Variants in PDGFA observed in about 807,000 individuals in gnomAD.
PDGFA encodes the protein platelet-derived growth factor subunit A.
Under a neutral mutation model 25.6 loss-of-function variants are expected in PDGFA, and 9 were observed. The ratio of observed to expected loss-of-function variants is 0.35; its 90% CI spans 0.21 to 0.61. The LOEUF (loss-of-function observed/expected upper bound fraction) is 0.61, where lower values mean the gene tolerates loss of function less well. Among genes scored for constraint, PDGFA ranks in the 20% least tolerant of loss-of-function variants. The pLI, the probability that PDGFA is intolerant of heterozygous loss-of-function variation, is 0.75. For missense variants in PDGFA, 242 were observed against 272.8 expected (o/e 0.89, Z 0.79); for synonymous variants, 133 against 111.8 (o/e 1.19, Z -1.20).
At position 517,351 on chromosome 7, in the gene PDGFA, G is replaced by T; in HGVS notation, c.160+43C>A. 1 of 1,026,432 alleles carries T rather than the reference G, an allele frequency of 9.7e-7. No individual in the cohort carries two copies. The highest frequency in any genetic ancestry group is 1.3e-6 in the Non-Finnish European group (1 of 766,538). The allele number at this position is 1,026,432 out of a possible 1,614,324, so 63.6% of individuals were successfully genotyped here. ...CCAGCTCGGGGCGCACAGGCCGCCC[G>T]CCCGCGCCCTCCCCGCGCGCGGAGG... On this transcript the variant is annotated intron_variant, in intron 2 of 5. Coordinates refer to ENST00000402802, the Ensembl canonical transcript of PDGFA. The surrounding 1 kb of genome is among the most constrained non-coding windows in gnomAD (Gnocchi z 7.4).
At chr7:505,366 G>A (rs755960862) in intron 4 of PDGFA, among the ~76,000 whole-genome samples, 1 of 152,036 alleles carries the variant, frequency 6.6e-6, no homozygotes, top group Non-Finnish European at 1.5e-5. Flanking sequence ...GTCGTAAGCC[G>A]CCCCACCTCA....
Position 512,822 on chromosome 7 carries a change from C to T in PDGFA, c.161-367G>A, listed in dbSNP as rs1409370812. On this transcript the variant is annotated intron_variant, in intron 2 of 5. Transcript: ENST00000402802. ...GAGGGCTGCCCCGGGGCAGGAGGGG[C>T]CTGAGGCCGCCCAGCTCCGTGCACC... 1.0e-5 allele frequency: 4 copies of T among 397,580 alleles called. No homozygotes were observed. The Admixed American group carries it at 1.1e-4, about 11-fold the overall frequency. 24.6% of individuals were successfully genotyped at this position (397,580 alleles called of 1,614,324 possible).
intron 1 of PDGFA, 69 bp downstream of exon 1, chr7:518,870 C>A (rs962030544): frequency 1.9e-6 from 2 of 1,069,456 alleles, no homozygotes; most frequent in Non-Finnish European, 2.6e-6. Flanking sequence ...GAGCCCGTGG[C>A]GCCCCAGCCG....
rs774665054 is a variant in PDGFA, at chr7:501,162, G to A, written c.534C>T (p.Ala178=). Reference sequence around the variant, plus strand: ...CCGGATTCAGGCTTGTGGTCGCGCAGGCGCACTCCAAATGCTCCTCTAACC... The same window carrying A: ...CCGGATTCAGGCTTGTGGTCGCGCAAGCGCACTCCAAATGCTCCTCTAACC... The change falls in exon 5 of 6, where the codon GCC becomes GCT. Residue 178 remains alanine, a synonymous_variant. Transcript: ENST00000402802. 10 of 1,614,110 alleles carry A rather than the reference G, an allele frequency of 6.2e-6. No homozygotes were observed. In the South Asian group the frequency reaches 1.1e-4, roughly 18 times the overall value.
chr7:518,184 C>G (rs1783194207), intron 1 of PDGFA, among the ~76,000 whole-genome samples: 1 of 152,214 alleles, frequency 6.6e-6, no homozygotes, highest in Non-Finnish European at 1.5e-5. Context: ...TCTCCGTGCC[C>G]TGCGGAGACC....
chr7:511,037 C>T (rs758471047), intron 3 of PDGFA, 41 bp from the exon 4 acceptor site: 74 of 1,530,218 alleles, frequency 4.8e-5, no homozygotes, highest in Non-Finnish European at 5.7e-5. Flanking sequence ...CCGGCCTCTG[C>T]GACCACGGCC....
upstream of PDGFA, chr7:520,529 T>G (rs1214228137): frequency 1.3e-5 from 2 of 152,318 alleles, no homozygotes; most frequent in African/African-American, 4.8e-5. Flanking sequence ...GTCCCCACCC[T>G]GGGACCCCGC....
At position 500,758 on chromosome 7, in the gene PDGFA, A is replaced by G; in HGVS notation, c.580+358T>C. On this transcript the variant is annotated intron_variant, in intron 5 of 5. Transcript: ENST00000402802. This position sits in a 1 kb window ranked among gnomAD's most constrained non-coding sequence, Gnocchi z 5.0. ...CCAGCCAGGGCAACTGCAGTCCTCG[A>G]ACCTGCTCCTCCCGCCCACCCTGGC... 2 of 1,441,318 alleles carry G rather than the reference A, an allele frequency of 1.4e-6. No individual in the cohort carries two copies. Among genetic ancestry groups the G allele is most frequent in the Non-Finnish European group, 1.8e-6 (2 of 1,100,646 alleles). The allele number at this position is 1,441,318 out of a possible 1,614,324, so 89.3% of individuals were successfully genotyped here. A position where few individuals can be genotyped will look rare whatever the true frequency, so the allele number is the denominator to read the frequency against.
At chr7:503,955 C>G (rs1200193756) in intron 4 of PDGFA, among the ~76,000 whole-genome samples, 1 of 152,162 alleles carries the variant, frequency 6.6e-6, no homozygotes, top group Non-Finnish European at 1.5e-5. Flanking sequence ...CTCAGATCAG[C>G]CTCCACACTC....
At chr7:520,099 C>T (rs1303982359), upstream of PDGFA, 2 of 395,430 alleles carry the variant, frequency 5.1e-6, no homozygotes, top group South Asian at 1.7e-5. Context: ...CCGCGCCCCT[C>T]CCTCGAGCTT....
At chr7:501,018 C>A (rs747195155) in intron 5 of PDGFA, 98 bp downstream of exon 5, 1 of 1,609,002 alleles carries the variant, frequency 6.2e-7, no homozygotes, top group Non-Finnish European at 8.5e-7. Context: ...ATGCTCACAG[C>A]AGTAAGCGTT....
At chr7:497,938 G>GA (rs1562481475) in exon 6 of PDGFA, 2 of 12,768 alleles carry the variant, frequency 1.6e-4, no homozygotes, top group African/African-American at 2.1e-4. Flanking sequence ...ACTTTATGGT[G>GA]TAAAAAAAAA....
chr7:501,263 C>T (rs761035473), intron 4 of PDGFA, 21 bp from the exon 5 acceptor site: 26 of 1,613,396 alleles, frequency 1.6e-5, no homozygotes, highest in African/African-American at 5.3e-5. Flanking sequence ...GAACAGAGCC[C>T]GGCCATGAAT....
rs777482095 is a variant in PDGFA, at chr7:501,139, G to A, written c.557C>T (p.Pro186Leu). ...ACCCGTGTCCTCTTCCCGATAATCC[G>A]GATTCAGGCTTGTGGTCGCGCAGGC... The change falls in exon 5 of 6, where the codon CCG becomes CTG. Residue 186 changes from proline (P) to leucine (L), a missense_variant. Coordinates refer to ENST00000402802, the Ensembl canonical transcript of PDGFA. The A allele has an allele frequency of 3.3e-5, 54 of 1,614,020 alleles. No homozygotes were observed. Among genetic ancestry groups the A allele is most frequent in the Non-Finnish European group, 4.4e-5 (52 of 1,180,036 alleles).
At position 500,267 on chromosome 7, in the gene PDGFA, C is replaced by T. The variant is rs1183362221; in HGVS notation, c.580+849G>A. ...GCCAGGGCGTTCTGCGAGGCAGGAG[C>T]GGACGGGGAGCAAGGAGACCCAAGC... On this transcript the variant is annotated intron_variant, in intron 5 of 5. Transcript: ENST00000402802. The surrounding 1 kb of genome is among the most constrained non-coding windows in gnomAD (Gnocchi z 5.0). Among the ~76,000 whole-genome samples, 2 of 152,204 alleles carry T rather than the reference C, an allele frequency of 1.3e-5. No individual in the cohort carries two copies. Among genetic ancestry groups the T allele is most frequent in the South Asian group, 2.1e-4 (1 of 4,834 alleles).
chr7:514,518 G>A (rs1783000429), intron 2 of PDGFA, among the ~76,000 whole-genome samples: 1 of 152,164 alleles, frequency 6.6e-6, no homozygotes, highest in African/African-American at 2.4e-5. Flanking sequence ...GAGCAGCCCA[G>A]GCCCAGGTGG....
At chr7:501,197 C>T (rs1782322366) in exon 5 of PDGFA, 1 of 1,614,110 alleles carries the variant, frequency 6.2e-7, no homozygotes. Context: ...CTCACCTGGA[C>T]TTCTTTTAAT....
upstream of PDGFA, chr7:520,061 G>A: frequency 2.5e-6 from 1 of 398,242 alleles, no homozygotes; most frequent in South Asian, 1.7e-5. Flanking sequence ...ATCCATCAAA[G>A]CCCCGCGCCC....
Position 514,909 on chromosome 7 carries a change from G to A in PDGFA, c.161-2454C>T, listed in dbSNP as rs149510639. On this transcript the variant is annotated intron_variant, in intron 2 of 5. Coordinates refer to ENST00000402802, the Ensembl canonical transcript of PDGFA. ...CTCCGAATGAAACGCTTGGGCTCCG[G>A]GAGGATGGTGAGGAATCCCACTACC... is the stretch of plus-strand genomic sequence containing the variant. 3.2e-4 allele frequency among the ~76,000 whole-genome samples: 49 copies of A among 152,322 alleles called. No individual in the cohort carries two copies. The East Asian group carries it at 6.0e-3, about 19-fold the overall frequency.
Sources: gnomAD v4.1 joint callset for allele counts (sites outside exome capture counted in the v4.1 genomes callset) on GRCh38, gnomAD v4.1.1 for gene constraint, Gnocchi (gnomAD v3.1) non-coding constraint, MANE v1.5 for transcripts, NCBI Gene and HGNC (gene_info 2026-07-23, HGNC 2026-07-21) for gene names.